LRRIQ3: variants seen among roughly 807,000 people sequenced by gnomAD.
LRRIQ3 encodes the protein leucine-rich repeat and IQ domain-containing protein 3.
A neutral mutation model predicts 59.3 loss-of-function variants in LRRIQ3; 75 were observed. The observed-to-expected ratio is 1.26, with a 90% CI of 1.05 to 1.53. The LOEUF is 1.53. Among genes scored for constraint, LRRIQ3 ranks in the 40% most tolerant of loss-of-function variants. The probability of loss-of-function intolerance (pLI) is 0.00; values close to 1 mark genes in which losing one functional copy is unlikely to be tolerated. For missense variants in LRRIQ3, 831 were observed against 710.0 expected, an observed-to-expected ratio of 1.17 and a Z score of -1.94; for synonymous variants, 250 against 231.3, an observed-to-expected ratio of 1.08 and a Z score of -0.73.
intron 1 of LRRIQ3, among the ~76,000 whole-genome samples, chr1:74,188,298 G>C (rs972446215): frequency 6.6e-6 from 1 of 152,058 alleles, no homozygotes; most frequent in African/African-American, 2.4e-5. Context: ...AGAGGATTAA[G>C]AAAAATAACT....
intron 4 of LRRIQ3, among the ~76,000 whole-genome samples, chr1:74,129,267 T>C (rs1646978029): frequency 6.6e-6 from 1 of 151,968 alleles, no homozygotes; most frequent in Non-Finnish European, 1.5e-5. Context: ...TCAGTTACTT[T>C]AGGAATCTAC....
At chr1:74,056,081 G>C (rs1654525506) in intron 6 of LRRIQ3, among the ~76,000 whole-genome samples, 1 of 151,282 alleles carries the variant, frequency 6.6e-6, no homozygotes, top group Non-Finnish European at 1.5e-5. Context: ...GGAGGTGGAG[G>C]TTGCAGTGAG....
chr1:74,130,708 T>A (rs1317385201), intron 4 of LRRIQ3, among the ~76,000 whole-genome samples: 2 of 152,138 alleles, frequency 1.3e-5, no homozygotes, highest in Non-Finnish European at 2.9e-5. Context: ...TTTCAATCAG[T>A]ATTTCTACTT....
intron 2 of LRRIQ3, chr1:74,183,091 C>T (rs1478152780): frequency 3.0e-6 from 1 of 335,216 alleles, no homozygotes; most frequent in Non-Finnish European, 5.3e-6. Context: ...CATAACCATA[C>T]TTTTTTGTTC....
chr1:74,062,223 C>T (rs536105691), intron 6 of LRRIQ3, among the ~76,000 whole-genome samples: 2 of 151,892 alleles, frequency 1.3e-5, no homozygotes, highest in South Asian at 4.2e-4. Flanking sequence ...GAAAAATAAC[C>T]CCATTAAAAA....
intron 3 of LRRIQ3, among the ~76,000 whole-genome samples, chr1:74,171,506 A>G (rs908761728): frequency 1.3e-5 from 2 of 152,162 alleles, no homozygotes; most frequent in African/African-American, 4.8e-5. Context: ...TCTCTCAGCC[A>G]CAGTGTGTGA....
chr1:74,191,186 G>C (rs1443426789), intron 1 of LRRIQ3, among the ~76,000 whole-genome samples: 1 of 152,074 alleles, frequency 6.6e-6, no homozygotes. Flanking sequence ...CTATATCAAG[G>C]ACACTGTATG....
At chr1:74,088,745 A>G (rs1198420112) in intron 5 of LRRIQ3, among the ~76,000 whole-genome samples, 1 of 152,018 alleles carries the variant, frequency 6.6e-6, no homozygotes, top group Admixed American at 6.6e-5. Context: ...AAAATCTTTG[A>G]GGCCTCAAGT....
At position 74,182,901 on chromosome 1, in the gene LRRIQ3, T is replaced by G. The variant is rs764908228; in HGVS notation, c.250-40A>C. On this transcript the variant is annotated intron_variant, in intron 2 of 7. Transcript: ENST00000354431. ...AAAATCTTTTAAATTCCAAAATTACTTTTTTCGAATAGCACAGAAAATGGT... is the reference window on the plus strand; with the variant it reads ...AAAATCTTTTAAATTCCAAAATTACGTTTTTCGAATAGCACAGAAAATGGT... 11 of 1,140,094 alleles carry G rather than the reference T, an allele frequency of 9.6e-6. No homozygotes were observed. In the African/African-American group the frequency reaches 1.6e-4, roughly 16 times the overall value. 70.6% of individuals were successfully genotyped at this position (1,140,094 alleles called of 1,614,324 possible).
intron 5 of LRRIQ3, among the ~76,000 whole-genome samples, chr1:74,101,550 C>T (rs1379711532): frequency 6.6e-6 from 1 of 152,152 alleles, no homozygotes; most frequent in African/African-American, 2.4e-5. Context: ...CCAGCCATCC[C>T]ATTACTGGGT....
At chr1:74,061,601 T>A (rs1654723144) in intron 6 of LRRIQ3, among the ~76,000 whole-genome samples, 1 of 151,964 alleles carries the variant, frequency 6.6e-6, no homozygotes, top group African/African-American at 2.4e-5. Context: ...AAAAATCAAC[T>A]CAAGATATAT....
In LRRIQ3 at chr1:74,032,692, C is replaced by T. The variant is rs116876199; in HGVS notation, c.1719-5723G>A. Among the ~76,000 whole-genome samples, 622 of 152,098 alleles carry T rather than the reference C, an allele frequency of 4.1e-3. 32 individuals carry two copies. The East Asian group carries it at 0.099, about 24-fold the overall frequency. On this transcript the variant is annotated intron_variant, in intron 7 of 7. Coordinates refer to ENST00000354431, the MANE Select transcript of LRRIQ3 (RefSeq NM_001105659.2). ...ATGTTAAGGTTAATTAAGCAATATT[C>T]TTAATTACATATTTAAAGTCCCTTT...
intron 6 of LRRIQ3, among the ~76,000 whole-genome samples, chr1:74,059,106 G>GTT: frequency 1.9e-5 from 1 of 51,346 alleles, no homozygotes; most frequent in Middle Eastern, 0.014. Context: ...GTCCATAGCA[G>GTT]ATATGTTATT....
At chr1:74,086,580 A>G (rs987259433) in intron 5 of LRRIQ3, among the ~76,000 whole-genome samples, 4 of 152,146 alleles carry the variant, frequency 2.6e-5, no homozygotes, top group African/African-American at 7.2e-5. Context: ...TTTAATTAAT[A>G]TACCATCACC....
chr1:74,115,800 T>G (rs1026312595), intron 4 of LRRIQ3, among the ~76,000 whole-genome samples: 1 of 151,964 alleles, frequency 6.6e-6, no homozygotes, highest in Non-Finnish European at 1.5e-5. Flanking sequence ...CTGAGAAAAA[T>G]ACCCATAGCT....
At chr1:74,161,089 C>A (rs1033906997) in intron 3 of LRRIQ3, among the ~76,000 whole-genome samples, 5 of 151,960 alleles carry the variant, frequency 3.3e-5, no homozygotes, top group African/African-American at 1.2e-4. Context: ...AAGCTACTGG[C>A]AGTTTTAGTG....
At chr1:74,116,749 C>T (rs1419012024) in intron 4 of LRRIQ3, among the ~76,000 whole-genome samples, 1 of 151,850 alleles carries the variant, frequency 6.6e-6, no homozygotes, top group Non-Finnish European at 1.5e-5. Context: ...CTACAAAATG[C>T]TATCTGCAAA....
At chr1:74,091,512 A>G (rs1351489040) in intron 5 of LRRIQ3, among the ~76,000 whole-genome samples, 1 of 152,138 alleles carries the variant, frequency 6.6e-6, no homozygotes, top group Non-Finnish European at 1.5e-5. Flanking sequence ...ATTAAAATTT[A>G]TTGATTAAAC....
At chr1:74,043,095 C>A (rs1654096897) in intron 6 of LRRIQ3, among the ~76,000 whole-genome samples, 1 of 152,076 alleles carries the variant, frequency 6.6e-6, no homozygotes, top group African/African-American at 2.4e-5. Flanking sequence ...CTAATTAATA[C>A]AATAAATTGA....
Sources: gnomAD v4.1 joint callset for allele counts (sites outside exome capture counted in the v4.1 genomes callset) on GRCh38, gnomAD v4.1.1 for gene constraint, MANE v1.5 for transcripts, NCBI Gene and HGNC (gene_info 2026-07-23, HGNC 2026-07-21) for gene names.